PRMT8: variants seen among roughly 807,000 people sequenced by gnomAD.
The protein encoded by PRMT8 is protein arginine N-methyltransferase 8.
PRMT8 carries 7 observed loss-of-function variants against 47.1 expected under a neutral mutation model. The observed-to-expected ratio is 0.15, with a 90% CI of 0.08 to 0.28. The LOEUF (loss-of-function observed/expected upper bound fraction) is 0.28, where lower values mean the gene tolerates loss of function less well. Among genes scored for constraint, PRMT8 ranks in the 10% least tolerant of loss-of-function variants. PRMT8 has a pLI of 1.00. For missense variants in PRMT8, 237 were observed against 505.4 expected (o/e 0.47, Z 5.09); for synonymous variants, 188 against 186.5 (o/e 1.01, Z -0.07).
At chr12:3,447,130 G>A (rs935782808) in intron 1 of PRMT8, among the ~76,000 whole-genome samples, 10 of 152,102 alleles carry the variant, frequency 6.6e-5, no homozygotes, top group African/African-American at 2.4e-4. Context: ...CCCGTGCAAA[G>A]ACCGAAAAGC....
chr12:3,527,130 G>C (rs1865959433), intron 1 of PRMT8, among the ~76,000 whole-genome samples: 2 of 152,052 alleles, frequency 1.3e-5, no homozygotes, highest in Non-Finnish European at 2.9e-5. Context: ...GGCCACATTA[G>C]GGTTTATGGT....
At chr12:3,398,570 C>A (rs1320281966) in intron 1 of PRMT8, among the ~76,000 whole-genome samples, 1 of 152,208 alleles carries the variant, frequency 6.6e-6, no homozygotes, top group Non-Finnish European at 1.5e-5. Context: ...CAGGTGCATT[C>A]CAGTAGGAGC....
At chr12:3,425,507 A>AG in intron 1 of PRMT8, among the ~76,000 whole-genome samples, 1 of 152,392 alleles carries the variant, frequency 6.6e-6, no homozygotes, top group African/African-American at 2.4e-5. Context: ...CAGGTCAGGT[A>AG]GCCCCAGGGC....
At position 3,491,511 on chromosome 12, in the gene PRMT8, A is replaced by T. The variant is rs562296647; in HGVS notation, c.-115A>T. On this transcript the variant is annotated 5_prime_UTR_variant, in exon 1 of 10. Transcript: ENST00000382622. ...ACTGTGCCGGCCGACGCTCCAGCTGAGGGGCTGGGTTGGATTTTTTTTTTT... is the reference window on the plus strand; with the variant it reads ...ACTGTGCCGGCCGACGCTCCAGCTGTGGGGCTGGGTTGGATTTTTTTTTTT... 3 of 1,450,646 alleles carry T rather than the reference A, an allele frequency of 2.1e-6. No homozygotes were observed. The South Asian group carries it at 4.4e-5, about 21-fold the overall frequency. 89.9% of individuals were successfully genotyped at this position (1,450,646 alleles called of 1,614,324 possible).
chr12:3,532,480 C>T (rs980814696), intron 1 of PRMT8, among the ~76,000 whole-genome samples: 3 of 150,084 alleles, frequency 2.0e-5, no homozygotes, highest in Admixed American at 6.6e-5. Flanking sequence ...GGCATGGTGG[C>T]GGGTGCCTGT....
At chr12:3,585,814 G>C (rs781755372) in intron 8 of PRMT8, among the ~76,000 whole-genome samples, 1 of 152,226 alleles carries the variant, frequency 6.6e-6, no homozygotes, top group South Asian at 2.1e-4. Context: ...CAGCCAGGAG[G>C]GGGAAGGTGG....
At chr12:3,491,128 C>T (rs1248960237), upstream of PRMT8, 2 of 984,332 alleles carry the variant, frequency 2.0e-6, no homozygotes, top group African/African-American at 3.5e-5. Flanking sequence ...CAGCCGCCGC[C>T]GGCTCCAGCG....
intron 8 of PRMT8, among the ~76,000 whole-genome samples, chr12:3,588,094 C>G (rs1293702283): frequency 2.0e-5 from 3 of 152,194 alleles, no homozygotes; most frequent in Non-Finnish European, 4.4e-5. Context: ...GGCCTGGGTG[C>G]AAGCCCTGGT....
At chr12:3,399,303 ACTGGGGAG>A (rs1401255838) in intron 1 of PRMT8, among the ~76,000 whole-genome samples, 1 of 152,188 alleles carries the variant, frequency 6.6e-6, no homozygotes, top group Non-Finnish European at 1.5e-5. Context: ...AAAGTTGGCG[ACTGGGGAG>A]CTGGAGAGGG....
At chr12:3,437,479 T>C (rs1021349841) in intron 1 of PRMT8, among the ~76,000 whole-genome samples, 5 of 151,898 alleles carry the variant, frequency 3.3e-5, no homozygotes, top group Non-Finnish European at 7.4e-5. Flanking sequence ...GTAAAAAGCA[T>C]AGTGCTCGAT....
chr12:3,542,817 T>C (rs188868473), intron 2 of PRMT8, among the ~76,000 whole-genome samples: 24 of 152,350 alleles, frequency 1.6e-4, no homozygotes, highest in South Asian at 4.1e-4. Context: ...ATCTCTATAA[T>C]TCCTTTGGGA....
At chr12:3,524,928 A>G (rs1289937023) in intron 1 of PRMT8, among the ~76,000 whole-genome samples, 1 of 152,188 alleles carries the variant, frequency 6.6e-6, no homozygotes, top group Non-Finnish European at 1.5e-5. Context: ...GAAAGAGTGA[A>G]CTATTCAAAT....
rs139477787 is a variant in PRMT8 at position 3,589,761 on chromosome 12, G to C, written c.980-2470G>C. Among the ~76,000 whole-genome samples the C allele has an allele frequency of 3.2e-4, 48 of 152,240 alleles. 1 individual carries two copies. Among genetic ancestry groups the C allele is most frequent in the African/African-American group, 1.1e-3 (45 of 41,542 alleles). On this transcript the variant is annotated intron_variant, in intron 8 of 9. Coordinates refer to ENST00000382622, the MANE Select transcript of PRMT8 (RefSeq NM_019854.5). ...AATCATCTTCCTCCAACTCAAAGTC[G>C]GCATGTTTTGGGGACTACCATCAGA...
chr12:3,511,011 A>G (rs1865705042), intron 1 of PRMT8, among the ~76,000 whole-genome samples: 1 of 152,218 alleles, frequency 6.6e-6, no homozygotes, highest in African/African-American at 2.4e-5. Context: ...TGAAAAGTGG[A>G]TGAAATGATC....
In PRMT8 at chr12:3,569,276, A is replaced by G. The variant is rs1297448364; in HGVS notation, c.625-201A>G. On this transcript the variant is annotated intron_variant, in intron 5 of 9. Coordinates refer to ENST00000382622, the MANE Select transcript of PRMT8 (RefSeq NM_019854.5). This position sits in a 1 kb window ranked among gnomAD's most constrained non-coding sequence, Gnocchi z 8.2. ...CTCATTTGTCCTATTGACTCCACCT[A>G]GGTCCCTTAAATTTTCCTTGCTCCA... is the stretch of plus-strand genomic sequence containing the variant. Among the ~76,000 whole-genome samples, 2 of 152,128 alleles carry G rather than the reference A, an allele frequency of 1.3e-5. No individual in the cohort carries two copies. The highest frequency in any genetic ancestry group is 1.5e-5 in the Non-Finnish European group (1 of 68,024).
intron 1 of PRMT8, among the ~76,000 whole-genome samples, chr12:3,419,459 C>T (rs575164940): frequency 2.6e-5 from 4 of 152,290 alleles, no homozygotes; most frequent in East Asian, 3.9e-4. Flanking sequence ...TTTACCTGCT[C>T]ATCTACCTGG....
rs1475368459 is a variant in PRMT8 at position 3,565,634 on chromosome 12, G to T, written c.482-3072G>T. On this transcript the variant is annotated intron_variant, in intron 4 of 9. Coordinates refer to ENST00000382622, the MANE Select transcript of PRMT8 (RefSeq NM_019854.5). ...TTCCTTCTGCCTTTTTGCAAGCAGA[G>T]ATTGTGATTTTTGCTATTCTGTGAC... 2.6e-5 allele frequency among the ~76,000 whole-genome samples: 4 copies of T among 152,178 alleles called. No individual in the cohort carries two copies. The East Asian group carries it at 7.7e-4, about 29-fold the overall frequency.
intron 1 of PRMT8, among the ~76,000 whole-genome samples, chr12:3,473,346 T>C (rs896714383): frequency 2.6e-5 from 4 of 152,168 alleles, no homozygotes; most frequent in African/African-American, 9.7e-5. Context: ...GGGATGCAGC[T>C]GATCGCTCCA....
rs892646504 is a variant in PRMT8, at chr12:3,453,997, C to T, written c.48+72555C>T. 1.3e-5 allele frequency among the ~76,000 whole-genome samples: 2 copies of T among 152,102 alleles called. No homozygotes were observed. Among genetic ancestry groups the T allele is most frequent in the African/African-American group, 4.8e-5 (2 of 41,414 alleles). ...GCGACGTGCTCGGGTCACCTCAGGG[C>T]GGAGGGTTTGCAGGAAGGCCAGGCA... On this transcript the variant is annotated intron_variant, in intron 1 of 9. Transcript: ENST00000452611. This position sits in a 1 kb window ranked among gnomAD's most constrained non-coding sequence, Gnocchi z 4.9.
Sources: allele counts gnomAD v4.1 joint callset (sites outside exome capture counted in the v4.1 genomes callset), GRCh38; gene constraint gnomAD v4.1.1; non-coding constraint Gnocchi (gnomAD v3.1); transcripts MANE v1.5; gene names NCBI Gene and HGNC (gene_info 2026-07-23, HGNC 2026-07-21).